RIMS1: variants seen among roughly 807,000 people sequenced by gnomAD.
RIMS1 encodes the protein regulating synaptic membrane exocytosis protein 1.
A neutral mutation model predicts 214.1 loss-of-function variants in RIMS1; 83 were observed. The observed-to-expected ratio is 0.39, with a 90% CI of 0.32 to 0.47. The LOEUF (loss-of-function observed/expected upper bound fraction) is 0.47. Among genes scored for constraint, RIMS1 ranks in the 20% least tolerant of loss-of-function variants. The pLI is 0.99. For missense variants in RIMS1, 2,050 were observed against 2,161.8 expected, an observed-to-expected ratio of 0.95 and a Z score of 1.03; for synonymous variants, 793 against 786.8, an observed-to-expected ratio of 1.01 and a Z score of -0.13.
chr6:72,135,755 G>A (rs1038272300), intron 4 of RIMS1, among the ~76,000 whole-genome samples: 1 of 152,122 alleles, frequency 6.6e-6, no homozygotes, highest in Non-Finnish European at 1.5e-5. Context: ...GTTTTTGCGG[G>A]TTTGGGTAGC....
chr6:72,118,124 C>T (rs1260614215), intron 4 of RIMS1, among the ~76,000 whole-genome samples: 1 of 147,858 alleles, frequency 6.8e-6, no homozygotes, highest in Non-Finnish European at 1.5e-5. Context: ...TACAAAAGAT[C>T]ATTCAAAGCT....
intron 4 of RIMS1, among the ~76,000 whole-genome samples, chr6:72,147,374 G>A (rs929321236): frequency 3.3e-5 from 5 of 152,202 alleles, no homozygotes; most frequent in African/African-American, 1.2e-4. Context: ...GCCTCAGGGT[G>A]GAGCCCTTGA....
At chr6:72,222,184 T>C (rs915525993) in intron 6 of RIMS1, among the ~76,000 whole-genome samples, 1 of 152,118 alleles carries the variant, frequency 6.6e-6, no homozygotes, top group Non-Finnish European at 1.5e-5. Flanking sequence ...TGTTATTGAA[T>C]AGTTTATCAG....
chr6:71,941,076 T>C (rs1029448801), intron 1 of RIMS1, among the ~76,000 whole-genome samples: 13 of 152,170 alleles, frequency 8.5e-5, no homozygotes, highest in African/African-American at 3.1e-4. Flanking sequence ...TTGACAAATA[T>C]AATTCCTTTT....
intron 1 of RIMS1, among the ~76,000 whole-genome samples, chr6:71,943,135 T>C (rs1457884335): frequency 6.6e-6 from 1 of 152,212 alleles, no homozygotes; most frequent in Non-Finnish European, 1.5e-5. Flanking sequence ...AAAATATTTT[T>C]ACCTACCACT....
rs142427103 is a variant in RIMS1, at chr6:71,896,888, C to T, written c.164+9701C>T. 5.3e-3 allele frequency among the ~76,000 whole-genome samples: 807 copies of T among 152,184 alleles called. 3 individuals carry two copies. Among genetic ancestry groups the T allele is most frequent in the African/African-American group, 0.018 (761 of 41,538 alleles). ...TTATATGCAGTTCCTTGTGTATCTCCGTCAATGGCTCCAACCATGTATATG... is the reference window on the plus strand; with the variant it reads ...TTATATGCAGTTCCTTGTGTATCTCTGTCAATGGCTCCAACCATGTATATG... On this transcript the variant is annotated intron_variant, in intron 1 of 33. Coordinates refer to ENST00000521978, the MANE Select transcript of RIMS1 (RefSeq NM_014989.7).
chr6:71,904,181 T>G (rs189396985), intron 1 of RIMS1, among the ~76,000 whole-genome samples: 1 of 152,286 alleles, frequency 6.6e-6, no homozygotes, highest in Non-Finnish European at 1.5e-5. Flanking sequence ...CCACACTAGT[T>G]TGACTTGTTT....
intron 1 of RIMS1, among the ~76,000 whole-genome samples, chr6:71,923,691 C>T (rs901639088): frequency 6.6e-5 from 10 of 152,112 alleles, no homozygotes; most frequent in East Asian, 1.9e-4. Context: ...CTCAGCCTCC[C>T]GAGTAGCTGG....
At chr6:71,900,268 C>T (rs897237800) in intron 1 of RIMS1, among the ~76,000 whole-genome samples, 1 of 151,858 alleles carries the variant, frequency 6.6e-6, no homozygotes, top group South Asian at 2.1e-4. Flanking sequence ...GGAAGCCAGT[C>T]TTGTGGAAGA....
intron 6 of RIMS1, among the ~76,000 whole-genome samples, chr6:72,188,975 T>C (rs1386871126): frequency 6.6e-6 from 1 of 152,206 alleles, no homozygotes; most frequent in African/African-American, 2.4e-5. Flanking sequence ...ACTTACAGTT[T>C]AATGGAATCA....
intron 29 of RIMS1, among the ~76,000 whole-genome samples, chr6:72,349,277 A>G (rs1375852999): frequency 6.6e-6 from 1 of 152,058 alleles, no homozygotes; most frequent in Non-Finnish European, 1.5e-5. Context: ...TCAGTGCCAT[A>G]GGATGTTTTT....
chr6:72,399,319 C>G (rs2154458888), intron 33 of RIMS1, among the ~76,000 whole-genome samples: 1 of 152,006 alleles, frequency 6.6e-6, no homozygotes, highest in Admixed American at 6.6e-5. Flanking sequence ...TCTCTCTCTT[C>G]TTGTCTTTTC....
At chr6:72,163,173 G>A (rs1221252879) in intron 4 of RIMS1, among the ~76,000 whole-genome samples, 1 of 139,102 alleles carries the variant, frequency 7.2e-6, no homozygotes, top group African/African-American at 2.5e-5. Context: ...CCAGTTGATC[G>A]AATCGGCTAC....
At chr6:72,381,611 A>G (rs2098489364) in intron 29 of RIMS1, among the ~76,000 whole-genome samples, 1 of 152,272 alleles carries the variant, frequency 6.6e-6, no homozygotes, top group African/African-American at 2.4e-5. Flanking sequence ...ATTATTTAAA[A>G]CATACGAAAA....
chr6:72,166,144 C>A lies in RIMS1; in HGVS notation c.472-13431C>A, dbSNP rs184895922. Reference sequence around the variant, plus strand: ...GGCTTGTAGTTGGCTACCTTCTCACCCTGTCCTCAGAGGACCTTCCTCTGG... The same window carrying A: ...GGCTTGTAGTTGGCTACCTTCTCACACTGTCCTCAGAGGACCTTCCTCTGG... On this transcript the variant is annotated intron_variant, in intron 4 of 33. Coordinates refer to ENST00000521978, the MANE Select transcript of RIMS1 (RefSeq NM_014989.7). Among the ~76,000 whole-genome samples the A allele has an allele frequency of 9.1e-4, 138 of 152,152 alleles. 1 individual carries two copies. The highest frequency in any genetic ancestry group is 2.9e-3 in the African/African-American group (121 of 41,510).
chr6:72,399,802 A>G (rs1294190820), intron 33 of RIMS1, among the ~76,000 whole-genome samples: 2 of 152,212 alleles, frequency 1.3e-5, no homozygotes, highest in African/African-American at 4.8e-5. Context: ...ACCTTTACAG[A>G]CGACTGAAGT....
chr6:71,938,433 A>G (rs941957825), intron 1 of RIMS1, among the ~76,000 whole-genome samples: 1 of 152,198 alleles, frequency 6.6e-6, no homozygotes, highest in Non-Finnish European at 1.5e-5. Flanking sequence ...GTTTCTGTCC[A>G]TGACATTCTT....
intron 6 of RIMS1, among the ~76,000 whole-genome samples, chr6:72,198,425 C>G (rs1485939969): frequency 6.6e-6 from 1 of 151,920 alleles, no homozygotes; most frequent in African/African-American, 2.4e-5. Context: ...TATACTCTCA[C>G]TCATATGTGG....
chr6:72,004,166 C>A (rs1399000240), intron 2 of RIMS1, among the ~76,000 whole-genome samples: 2 of 151,700 alleles, frequency 1.3e-5, no homozygotes, highest in East Asian at 1.9e-4. Flanking sequence ...GATGATTTCC[C>A]ATTTCATCCA....
Sources: allele counts gnomAD v4.1 joint callset (sites outside exome capture counted in the v4.1 genomes callset), GRCh38; gene constraint gnomAD v4.1.1; transcripts MANE v1.5; gene names NCBI Gene and HGNC (gene_info 2026-07-23, HGNC 2026-07-21).